The following ANO3 variants were observed in gnomAD, a reference collection of about 807,000 sequenced individuals.
ANO3 encodes the protein anoctamin-3.
Under a neutral mutation model 144.8 loss-of-function variants are expected in ANO3, and 99 were observed. That is an observed-to-expected ratio of 0.68 (90% CI 0.58 to 0.81). The LOEUF (loss-of-function observed/expected upper bound fraction) is 0.81, where lower values mean the gene tolerates loss of function less well. Ranked by LOEUF, ANO3 falls within the 30% of genes least tolerant of loss-of-function variation. The probability of loss-of-function intolerance (pLI) is 0.00; values close to 1 mark genes in which losing one functional copy is unlikely to be tolerated. For missense variants in ANO3, 905 were observed against 1,202.2 expected, an observed-to-expected ratio of 0.75 and a Z score of 3.66; for synonymous variants, 414 against 392.6, an observed-to-expected ratio of 1.05 and a Z score of -0.64.
At chr11:26,535,482 A>G (rs1849482622) in intron 9 of ANO3, among the ~76,000 whole-genome samples, 3 of 151,606 alleles carry the variant, frequency 2.0e-5, no homozygotes, top group Admixed American at 6.6e-5. Flanking sequence ...TAAAAAGTTG[A>G]CAGCCAGCAA....
intron 1 of ANO3, among the ~76,000 whole-genome samples, chr11:26,196,649 TCAA>T (rs1851595417): frequency 1.3e-5 from 2 of 151,954 alleles, no homozygotes; most frequent in Admixed American, 6.6e-5. Context: ...GCTTTGAAAA[TCAA>T]ATAAAACTAT....
Position 26,599,545 on chromosome 11 carries a change from T to A in ANO3, c.1672-5T>A. 1 of 1,610,452 alleles carries A rather than the reference T, an allele frequency of 6.2e-7. No individual in the cohort carries two copies. Among genetic ancestry groups the A allele is most frequent in the Non-Finnish European group, 8.5e-7 (1 of 1,177,720 alleles). ...GGATGTTTTTTCTGGTGTCCAATATTGTAGATATCCTTGGTGATCACTGCA... is the reference window on the plus strand; with the variant it reads ...GGATGTTTTTTCTGGTGTCCAATATAGTAGATATCCTTGGTGATCACTGCA... On this transcript the variant is annotated splice_polypyrimidine_tract_variant and splice_region_variant and intron_variant, in intron 16 of 26. Transcript: ENST00000256737.
chr11:26,283,319 T>C (rs374515039), intron 1 of ANO3, among the ~76,000 whole-genome samples: 46 of 36,546 alleles, frequency 1.3e-3, no homozygotes, highest in African/African-American at 6.6e-3. Context: ...AACAAATAAA[T>C]AAATATATAT....
intron 1 of ANO3, among the ~76,000 whole-genome samples, chr11:26,325,898 T>C (rs1854870862): frequency 1.3e-5 from 2 of 152,146 alleles, no homozygotes. Context: ...TCATCAGTCT[T>C]ATTACAGGTT....
intron 4 of ANO3, among the ~76,000 whole-genome samples, chr11:26,464,280 T>G (rs1859520436): frequency 6.6e-6 from 1 of 151,924 alleles, no homozygotes; most frequent in Admixed American, 6.6e-5. Flanking sequence ...GCAAATCAGG[T>G]GTTTATCTTT....
intron 1 of ANO3, among the ~76,000 whole-genome samples, chr11:26,420,935 T>G (rs1857733419): frequency 6.6e-6 from 1 of 152,070 alleles, no homozygotes; most frequent in African/African-American, 2.4e-5. Context: ...AAAGGAAGTT[T>G]CTGAGTAAAC....
At chr11:26,519,935 A>T (rs1389458) in intron 6 of ANO3, among the ~76,000 whole-genome samples, 150,440 of 152,216 alleles carry the variant, frequency 0.99, 74,370 homozygotes, top group Middle Eastern at 1. Context: ...TGTAATACTT[A>T]TCATATTGCT....
At chr11:26,245,144 T>G (rs1004722950) in intron 1 of ANO3, among the ~76,000 whole-genome samples, 17 of 152,222 alleles carry the variant, frequency 1.1e-4, no homozygotes, top group Admixed American at 2.6e-4. Flanking sequence ...TAAATATAAT[T>G]GCCAAGAAAA....
chr11:26,307,726 A>G (rs1210473464), upstream of ANO3, among the ~76,000 whole-genome samples: 1 of 143,004 alleles, frequency 7.0e-6, no homozygotes, highest in African/African-American at 2.7e-5. Context: ...TCTCTAAATA[A>G]TAATAATAAT....
intron 1 of ANO3, among the ~76,000 whole-genome samples, chr11:26,379,652 G>T (rs1163272041): frequency 6.6e-6 from 1 of 152,024 alleles, no homozygotes; most frequent in African/African-American, 2.4e-5. Flanking sequence ...AATGAACTGG[G>T]TATCATGGCA....
intron 6 of ANO3, among the ~76,000 whole-genome samples, chr11:26,519,083 C>G (rs1861967795): frequency 6.6e-6 from 1 of 152,106 alleles, no homozygotes; most frequent in Admixed American, 6.6e-5. Flanking sequence ...ATCCTTCATC[C>G]TGCCCCATCC....
chr11:26,243,012 G>GC (rs144780869), intron 1 of ANO3, among the ~76,000 whole-genome samples: 6,357 of 152,140 alleles, frequency 0.042, 185 homozygotes, highest in Non-Finnish European at 0.059. Context: ...CCATGGTTTT[G>GC]CCCCCAAATA....
chr11:26,657,768 T>C (rs1280994002), intron 26 of ANO3, among the ~76,000 whole-genome samples: 2 of 152,270 alleles, frequency 1.3e-5, no homozygotes, highest in East Asian at 3.9e-4. Flanking sequence ...GCCTTCCCCA[T>C]TTTACTGTTT....
In ANO3 at chr11:26,355,022, T is replaced by TTC. The variant is rs3059293; in HGVS notation, c.46+22701_46+22702insTC. 1.9e-4 allele frequency among the ~76,000 whole-genome samples: 29 copies of TTC among 151,678 alleles called. No individual in the cohort carries two copies. In the East Asian group the frequency reaches 5.4e-3, roughly 28 times the overall value. ...ATGAAATTGTAACTCTTTTTTTTTT[T>TTC]CTCCCTCTGAAGATGCCCCTTCATC... On this transcript the variant is annotated intron_variant, in intron 1 of 26. Coordinates refer to ENST00000256737, the MANE Select transcript of ANO3 (RefSeq NM_031418.4).
intron 4 of ANO3, among the ~76,000 whole-genome samples, chr11:26,505,853 G>A (rs1237321447): frequency 6.6e-6 from 1 of 151,878 alleles, no homozygotes; most frequent in South Asian, 2.1e-4. Context: ...CGTGGTGGCG[G>A]GCGCCTGTAC....
intron 1 of ANO3, among the ~76,000 whole-genome samples, chr11:26,288,499 C>G (rs1590235974): frequency 6.6e-6 from 1 of 152,076 alleles, no homozygotes; most frequent in African/African-American, 2.4e-5. Flanking sequence ...GGATTCCTTC[C>G]TTTGTTTTTC....
chr11:26,563,748 A>C (rs1850397940), intron 14 of ANO3, among the ~76,000 whole-genome samples: 1 of 151,862 alleles, frequency 6.6e-6, no homozygotes, highest in Admixed American at 6.6e-5. Context: ...TACAAGGAAA[A>C]ATCAGTGTAT....
At chr11:26,318,277 T>C (rs910569453) in intron 1 of ANO3, among the ~76,000 whole-genome samples, 4 of 151,950 alleles carry the variant, frequency 2.6e-5, no homozygotes, top group Non-Finnish European at 5.9e-5. Context: ...ATATTAAGCC[T>C]CAGAGTCCTA....
intron 14 of ANO3, among the ~76,000 whole-genome samples, chr11:26,573,106 T>C (rs1210841364): frequency 1.3e-5 from 2 of 152,086 alleles, no homozygotes; most frequent in Non-Finnish European, 2.9e-5. Context: ...ATGCCTGAGG[T>C]TCATACTTGG....
Sources: allele counts gnomAD v4.1 joint callset (sites outside exome capture counted in the v4.1 genomes callset), GRCh38; gene constraint gnomAD v4.1.1; transcripts MANE v1.5; gene names NCBI Gene and HGNC (gene_info 2026-07-23, HGNC 2026-07-21).